Variants in FBXO8 observed in about 807,000 individuals in gnomAD.
FBXO8 encodes F-box only protein 8.
A neutral mutation model predicts 33.4 loss-of-function variants in FBXO8; 15 were observed. That is an observed-to-expected ratio of 0.45 (90% CI 0.30 to 0.69). The LOEUF (loss-of-function observed/expected upper bound fraction) is 0.69, where lower values mean the gene tolerates loss of function less well. Among genes scored for constraint, FBXO8 ranks in the 30% least tolerant of loss-of-function variants. The probability of loss-of-function intolerance (pLI) is 0.08; values close to 1 mark genes in which losing one functional copy is unlikely to be tolerated. For synonymous variants in FBXO8, 132 were observed against 131.5 expected, an observed-to-expected ratio of 1.00 and a Z score of -0.02; for missense variants, 274 against 380.3, an observed-to-expected ratio of 0.72 and a Z score of 2.32.
Position 174,274,592 on chromosome 4 carries a change from A to G in FBXO8, c.-9+8818T>C, listed in dbSNP as rs1207381144. ...GCACTAGTTTCAGTTAACATGGTAA[A>G]ATGCAAAATGATGACTGTAAGTACT... On this transcript the variant is annotated intron_variant, in intron 1 of 5. Transcript: ENST00000393674. This position sits in a 1 kb window ranked among gnomAD's most constrained non-coding sequence, Gnocchi z 4.0. Among the ~76,000 whole-genome samples, 3 of 152,212 alleles carry G rather than the reference A, an allele frequency of 2.0e-5. No individual in the cohort carries two copies. The highest frequency in any genetic ancestry group is 7.2e-5 in the African/African-American group (3 of 41,438).
At chr4:174,271,819 G>T (rs568622723) in intron 1 of FBXO8, among the ~76,000 whole-genome samples, 14 of 152,080 alleles carry the variant, frequency 9.2e-5, no homozygotes, top group Non-Finnish European at 1.8e-4. Flanking sequence ...TATTTTTCCT[G>T]ATTTCATCTG....
rs1736373630 is a variant in FBXO8 at position 174,254,438 on chromosome 4, C to T, written c.456+5261G>A. On this transcript the variant is annotated intron_variant, in intron 3 of 5. Transcript: ENST00000393674. This position sits in a 1 kb window ranked among gnomAD's most constrained non-coding sequence, Gnocchi z 4.2. ...TCTAAAGTAAAAAGTATCTTAGTGG[C>T]CTGTCAGCTTTCATTAGGAATACTT... Among the ~76,000 whole-genome samples, 1 of 152,082 alleles carries T rather than the reference C, an allele frequency of 6.6e-6. No homozygotes were observed. The highest frequency in any genetic ancestry group is 2.1e-4 in the South Asian group (1 of 4,820).
At chr4:174,273,308 C>A (rs1018269962) in intron 1 of FBXO8, among the ~76,000 whole-genome samples, 1 of 122,114 alleles carries the variant, frequency 8.2e-6, no homozygotes, top group African/African-American at 3.2e-5. Context: ...TCAATAATGC[C>A]AATGTCATAA....
At chr4:174,271,950 T>A (rs1201639286) in intron 1 of FBXO8, among the ~76,000 whole-genome samples, 1 of 152,200 alleles carries the variant, frequency 6.6e-6, no homozygotes, top group Non-Finnish European at 1.5e-5. Context: ...ACTAATATGG[T>A]GAAAAGGTGC....
chr4:174,260,607 T>C (rs2126435066), intron 2 of FBXO8, among the ~76,000 whole-genome samples: 1 of 152,058 alleles, frequency 6.6e-6, no homozygotes, highest in South Asian at 2.1e-4. Flanking sequence ...AAACCGAAAA[T>C]ACTAACAGTT....
chr4:174,250,372 A>G (rs1186711404), intron 3 of FBXO8, among the ~76,000 whole-genome samples: 1 of 152,082 alleles, frequency 6.6e-6, no homozygotes, highest in Non-Finnish European at 1.5e-5. Flanking sequence ...ACCCCCTTCC[A>G]TAAAATGTAT....
chr4:174,280,023 C>T (rs1315299310), intron 1 of FBXO8, among the ~76,000 whole-genome samples: 1 of 151,684 alleles, frequency 6.6e-6, no homozygotes, highest in Non-Finnish European at 1.5e-5. Flanking sequence ...AAAAATTGTG[C>T]ATCAAAAGAC....
chr4:174,257,019 C>A lies in FBXO8; in HGVS notation c.456+2680G>T, dbSNP rs1456811926. ...TCTTATTTTAATTAATAACTTAAAT[C>A]CCCTCCCTTAACAAACATTTGACTT... On this transcript the variant is annotated intron_variant, in intron 3 of 5. Coordinates refer to ENST00000393674, the MANE Select transcript of FBXO8 (RefSeq NM_012180.3). This position sits in a 1 kb window ranked among gnomAD's most constrained non-coding sequence, Gnocchi z 4.3. Among the ~76,000 whole-genome samples the A allele has an allele frequency of 1.3e-5, 2 of 151,898 alleles. No homozygotes were observed. Among genetic ancestry groups the A allele is most frequent in the Non-Finnish European group, 2.9e-5 (2 of 67,942 alleles).
chr4:174,241,289 G>T lies in FBXO8; in HGVS notation c.457-71C>A, dbSNP rs1194296486. The T allele has an allele frequency of 4.9e-6, 4 of 812,086 alleles. No homozygotes were observed. The highest frequency in any genetic ancestry group is 8.1e-6 in the Non-Finnish European group (4 of 495,020). The allele number at this position is 812,086 out of a possible 1,614,324, so 50.3% of individuals were successfully genotyped here. A position where few individuals can be genotyped will look rare whatever the true frequency, so the allele number is the denominator to read the frequency against. On this transcript the variant is annotated intron_variant, in intron 3 of 5. Transcript: ENST00000393674. The surrounding 1 kb of genome is among the most constrained non-coding windows in gnomAD (Gnocchi z 4.2). ...TATGCATTTTAACAATTAAGCAATA[G>T]CACAACAGTAGCTATAAATTCTTTC...
rs1737076983 is a variant in FBXO8 at position 174,281,119 on chromosome 4, A to G, written c.-9+2291T>C. Among the ~76,000 whole-genome samples the G allele has an allele frequency of 6.6e-6, 1 of 152,196 alleles. No individual in the cohort carries two copies. The highest frequency in any genetic ancestry group is 2.4e-5 in the African/African-American group (1 of 41,450). On this transcript the variant is annotated intron_variant, in intron 1 of 5. Coordinates refer to ENST00000393674, the MANE Select transcript of FBXO8 (RefSeq NM_012180.3). The surrounding 1 kb of genome is among the most constrained non-coding windows in gnomAD (Gnocchi z 4.6). ...AATGAGGGAAAAAACTCTGAAAAACAAATTAATAAATAAAAGAAGAGATGA... is the reference window on the plus strand; with the variant it reads ...AATGAGGGAAAAAACTCTGAAAAACGAATTAATAAATAAAAGAAGAGATGA...
intron 1 of FBXO8, among the ~76,000 whole-genome samples, chr4:174,269,321 CA>C (rs35194028): frequency 0.19 from 27,743 of 144,702 alleles, 3,036 homozygotes; most frequent in East Asian, 0.59. Context: ...GAAATAAAAA[CA>C]AAAAAAAAAA....
chr4:174,249,439 T>A (rs990175003), intron 3 of FBXO8, among the ~76,000 whole-genome samples: 1 of 152,038 alleles, frequency 6.6e-6, no homozygotes, highest in African/African-American at 2.4e-5. Context: ...TCTTGCTTTA[T>A]AAGAATCACA....
intron 1 of FBXO8, among the ~76,000 whole-genome samples, chr4:174,271,383 T>G (rs1194601094): frequency 6.6e-6 from 1 of 151,682 alleles, no homozygotes; most frequent in Non-Finnish European, 1.5e-5. Flanking sequence ...AATGAGGATA[T>G]TAACATCTCT....
At position 174,256,346 on chromosome 4, in the gene FBXO8, A is replaced by G. The variant is rs572062184; in HGVS notation, c.456+3353T>C. ...ACTGCTCAGAGTTAAATGAACCTAA[A>G]ATAATATATCTGATGACAGTGCTCC... On this transcript the variant is annotated intron_variant, in intron 3 of 5. Transcript: ENST00000393674. This position sits in a 1 kb window ranked among gnomAD's most constrained non-coding sequence, Gnocchi z 4.6. Among the ~76,000 whole-genome samples, 1 of 152,152 alleles carries G rather than the reference A, an allele frequency of 6.6e-6. No individual in the cohort carries two copies. The highest frequency in any genetic ancestry group is 1.5e-5 in the Non-Finnish European group (1 of 68,012).
At chr4:174,250,145 T>C (rs970234197) in intron 3 of FBXO8, among the ~76,000 whole-genome samples, 5 of 152,066 alleles carry the variant, frequency 3.3e-5, no homozygotes, top group African/African-American at 1.2e-4. Flanking sequence ...TAAGTATTAT[T>C]ACTGTCCCCA....
Position 174,252,310 on chromosome 4 carries a change from C to T in FBXO8, c.456+7389G>A, listed in dbSNP as rs1472784011. 6.6e-6 allele frequency among the ~76,000 whole-genome samples: 1 copy of T among 152,110 alleles called. No individual in the cohort carries two copies. The highest frequency in any genetic ancestry group is 2.4e-5 in the African/African-American group (1 of 41,408). On this transcript the variant is annotated intron_variant, in intron 3 of 5. Coordinates refer to ENST00000393674, the MANE Select transcript of FBXO8 (RefSeq NM_012180.3). The surrounding 1 kb of genome is among the most constrained non-coding windows in gnomAD (Gnocchi z 5.1). Reference sequence around the variant, plus strand: ...TTTTAAAAATTTGCATTGAGGATTACATCTCAAACTCCTAAGAGTCTGGAT... The same window carrying T: ...TTTTAAAAATTTGCATTGAGGATTATATCTCAAACTCCTAAGAGTCTGGAT...
At chr4:174,264,261 C>CA (rs1477876623) in intron 1 of FBXO8, among the ~76,000 whole-genome samples, 2 of 151,888 alleles carry the variant, frequency 1.3e-5, no homozygotes, top group East Asian at 1.9e-4. Context: ...CCCCAAAAGA[C>CA]AAAAAACAAA....
rs1736286114 is a variant in FBXO8 at position 174,251,604 on chromosome 4, C to T, written c.456+8095G>A. 1.3e-5 allele frequency among the ~76,000 whole-genome samples: 2 copies of T among 152,064 alleles called. No individual in the cohort carries two copies. Among genetic ancestry groups the T allele is most frequent in the Non-Finnish European group, 2.9e-5 (2 of 67,994 alleles). Reference sequence around the variant, plus strand: ...GATTAAAAAGAGATGGATACATACACACATACACACATGCATATCCACACA... The same window carrying T: ...GATTAAAAAGAGATGGATACATACATACATACACACATGCATATCCACACA... On this transcript the variant is annotated intron_variant, in intron 3 of 5. Transcript: ENST00000393674. This position sits in a 1 kb window ranked among gnomAD's most constrained non-coding sequence, Gnocchi z 4.2.
chr4:174,269,309 A>C (rs955751959), intron 1 of FBXO8: 1 of 149,522 alleles, frequency 6.7e-6, no homozygotes, highest in Admixed American at 6.8e-5. Context: ...TTCCTTTCCA[A>C]GGAAATAAAA....
Sources: allele counts gnomAD v4.1 joint callset (sites outside exome capture counted in the v4.1 genomes callset), GRCh38; gene constraint gnomAD v4.1.1; non-coding constraint Gnocchi (gnomAD v3.1); transcripts MANE v1.5; gene names NCBI Gene and HGNC (gene_info 2026-07-23, HGNC 2026-07-21).